NFX1: variants seen among roughly 807,000 people sequenced by gnomAD.
The protein encoded by NFX1 is nuclear transcription factor, X-box binding 1, also known as transcriptional repressor NF-X1.
In NFX1, 69 loss-of-function variants were observed where a neutral mutation model predicts 137.2. The ratio of observed to expected loss-of-function variants is 0.50; its 90% CI spans 0.41 to 0.61. The LOEUF is 0.61. Among genes scored for constraint, NFX1 ranks in the 20% least tolerant of loss-of-function variants. The probability of loss-of-function intolerance (pLI) is 0.00; values close to 1 mark genes in which losing one functional copy is unlikely to be tolerated. For synonymous variants in NFX1, 495 were observed against 474.1 expected (o/e 1.04, Z -0.57); for missense variants, 1,167 against 1,391.0 (o/e 0.84, Z 2.56).
intron 11 of NFX1, among the ~76,000 whole-genome samples, chr9:33,334,099 C>T (rs532802978): frequency 1.3e-5 from 2 of 152,248 alleles, no homozygotes; most frequent in African/African-American, 2.4e-5. Context: ...GAACTGAGAT[C>T]ACACCATTGC....
chr9:33,311,732 T>C (rs577162151), intron 6 of NFX1, among the ~76,000 whole-genome samples: 3 of 152,300 alleles, frequency 2.0e-5, no homozygotes, highest in African/African-American at 7.2e-5. Context: ...TTTGTATTTT[T>C]AGTAGAGATG....
intron 13 of NFX1, 128 bp from the exon 14 acceptor site, chr9:33,343,941 A>G: frequency 8.1e-7 from 1 of 1,233,570 alleles, no homozygotes; most frequent in Non-Finnish European, 1.1e-6. Context: ...TCTTTTGAAA[A>G]AAGTAGCACC....
At chr9:33,346,329 A>G (rs1401455269) in intron 14 of NFX1, among the ~76,000 whole-genome samples, 4 of 152,040 alleles carry the variant, frequency 2.6e-5, no homozygotes, top group Non-Finnish European at 5.9e-5. Context: ...ATTCATTTCC[A>G]TTTTCTTAAG....
chr9:33,305,034 A>C (rs1821702468), intron 4 of NFX1, among the ~76,000 whole-genome samples: 1 of 152,246 alleles, frequency 6.6e-6, no homozygotes, highest in Non-Finnish European at 1.5e-5. Context: ...CCTTATTTGC[A>C]GATGACTTTG....
chr9:33,290,767 GTCT>G (rs1821128287), intron 1 of NFX1, among the ~76,000 whole-genome samples, 170 bp downstream of exon 1: 2 of 152,264 alleles, frequency 1.3e-5, no homozygotes, highest in Non-Finnish European at 2.9e-5. Flanking sequence ...GAAGATCTGT[GTCT>G]TCTTGGACTA....
intron 9 of NFX1, among the ~76,000 whole-genome samples, chr9:33,320,597 C>T (rs943325682): frequency 1.3e-5 from 2 of 152,082 alleles, no homozygotes; most frequent in Non-Finnish European, 2.9e-5. Context: ...CCAGAAAAAG[C>T]TCATTGGAAT....
chr9:33,311,657 A>G (rs537555134), intron 6 of NFX1, among the ~76,000 whole-genome samples: 1 of 152,186 alleles, frequency 6.6e-6, no homozygotes, highest in Non-Finnish European at 1.5e-5. Flanking sequence ...GGTTCAAGCA[A>G]TTCTCCTGCC....
At chr9:33,366,557 T>A (rs1033337808) in intron 21 of NFX1, 72 bp from the exon 22 acceptor site, 1 of 1,557,242 alleles carries the variant, frequency 6.4e-7, no homozygotes, top group African/African-American at 1.4e-5. Context: ...AATTCTTGTG[T>A]GGTAAGATTA....
intron 22 of NFX1, 81 bp downstream of exon 22, chr9:33,366,855 C>A (rs1489040622): frequency 1.4e-6 from 2 of 1,467,710 alleles, no homozygotes; most frequent in East Asian, 2.4e-5. Context: ...CAATACTTGT[C>A]TTTCTTACTA....
intron 12 of NFX1, 43 bp from the exon 13 acceptor site, chr9:33,342,703 A>C: frequency 7.4e-7 from 1 of 1,344,508 alleles, no homozygotes; most frequent in Non-Finnish European, 1.0e-6. Flanking sequence ...GAAAATATAA[A>C]ATGAAGACCA....
intron 4 of NFX1, among the ~76,000 whole-genome samples, chr9:33,304,081 A>G (rs1821670647): frequency 1.3e-5 from 2 of 152,206 alleles, no homozygotes; most frequent in African/African-American, 4.8e-5. Flanking sequence ...AGCCTGGCCA[A>G]CATGGTGAAA....
intron 5 of NFX1, 120 bp from the exon 6 acceptor site, chr9:33,310,986 C>A: frequency 1.2e-6 from 1 of 810,990 alleles, no homozygotes; most frequent in Non-Finnish European, 2.0e-6. Context: ...TAAACAAATA[C>A]AAAGACATGT....
At chr9:33,333,444 T>G (rs1333563587) in intron 11 of NFX1, among the ~76,000 whole-genome samples, 1 of 152,212 alleles carries the variant, frequency 6.6e-6, no homozygotes. Context: ...GTGGTTTTCT[T>G]GATTTTCTCC....
chr9:33,292,367 C>T (rs1167932580), intron 1 of NFX1, among the ~76,000 whole-genome samples: 1 of 152,190 alleles, frequency 6.6e-6, no homozygotes, highest in Non-Finnish European at 1.5e-5. Context: ...ACTTTTCTGC[C>T]GGTGAGCAGA....
intron 9 of NFX1, 51 bp from the exon 10 acceptor site, chr9:33,328,530 A>T: frequency 7.0e-7 from 1 of 1,421,948 alleles, no homozygotes; most frequent in Non-Finnish European, 9.9e-7. Flanking sequence ...TGGGAGTATG[A>T]AAATGAGTAG....
intron 1 of NFX1, among the ~76,000 whole-genome samples, chr9:33,291,968 C>T (rs1821179012): frequency 6.6e-6 from 1 of 152,144 alleles, no homozygotes; most frequent in Non-Finnish European, 1.5e-5. Flanking sequence ...ATTAAGTCTT[C>T]CTTGGGGTTG....
chr9:33,370,024 A>T lies in NFX1; in HGVS notation c.*46A>T. ...ATAAAAGAATGATTAGGTATAGTGG[A>T]GACTTATTTGCCAGCAGATAAATCA... is the stretch of plus-strand genomic sequence containing the variant. On this transcript the variant is annotated 3_prime_UTR_variant, in exon 24 of 24. Transcript: ENST00000379540. 1 of 1,459,844 alleles carries T rather than the reference A, an allele frequency of 6.9e-7. No individual in the cohort carries two copies. The highest frequency in any genetic ancestry group is 9.6e-7 in the Non-Finnish European group (1 of 1,045,920). The allele number at this position is 1,459,844 out of a possible 1,614,324, so 90.4% of individuals were successfully genotyped here.
At chr9:33,354,065 C>T (rs1335326770) in intron 17 of NFX1, 21 bp from the exon 18 acceptor site, 1 of 1,560,954 alleles carries the variant, frequency 6.4e-7, no homozygotes. Flanking sequence ...CCTCTTTTTC[C>T]CTTTCTTTTT....
At chr9:33,366,576 C>T (rs1368452111) in intron 21 of NFX1, 53 bp from the exon 22 acceptor site, 1 of 1,597,154 alleles carries the variant, frequency 6.3e-7, no homozygotes, top group East Asian at 2.2e-5. Context: ...TAGTTGTAAG[C>T]ATTTTGTTTT....
Sources: gnomAD v4.1 joint callset for allele counts (sites outside exome capture counted in the v4.1 genomes callset) on GRCh38, gnomAD v4.1.1 for gene constraint, MANE v1.5 for transcripts, NCBI Gene and HGNC (gene_info 2026-07-23, HGNC 2026-07-21) for gene names.